NCKAP5: variants seen among roughly 807,000 people sequenced by gnomAD.
The protein encoded by NCKAP5 is nck-associated protein 5.
A neutral mutation model predicts 167.0 loss-of-function variants in NCKAP5; 92 were observed. That is an observed-to-expected ratio of 0.55 (90% CI 0.47 to 0.66). The LOEUF (loss-of-function observed/expected upper bound fraction) is 0.66, where lower values mean the gene tolerates loss of function less well. NCKAP5 is among the 30% of genes least tolerant of loss of function. The probability of loss-of-function intolerance (pLI) is 0.00; values close to 1 mark genes in which losing one functional copy is unlikely to be tolerated. For synonymous variants in NCKAP5, 891 were observed against 877.4 expected (o/e 1.02, Z -0.27); for missense variants, 2,378 against 2,315.0 (o/e 1.03, Z -0.56).
Position 132,921,859 on chromosome 2 carries a change from C to T in NCKAP5, c.579+41861G>A, listed in dbSNP as rs116005120. Among the ~76,000 whole-genome samples the T allele has an allele frequency of 8.6e-3, 1,307 of 152,272 alleles. 5 individuals are homozygous for T. The highest frequency in any genetic ancestry group is 0.029 in the African/African-American group (1,209 of 41,552). The stretch of plus-strand genomic sequence containing the variant: ...GGAATGTAATGCAGGTTTGGCCATT[C>T]GGTGCATTCCAACCCCATGGCCTCA... On this transcript the variant is annotated intron_variant, in intron 8 of 19. Transcript: ENST00000409261.
chr2:133,288,626 A>C (rs1679338038), intron 4 of NCKAP5, among the ~76,000 whole-genome samples: 1 of 151,526 alleles, frequency 6.6e-6, no homozygotes, highest in Admixed American at 6.6e-5. Context: ...CTTAAACATT[A>C]TTCAATAGAA....
At chr2:132,919,171 T>C (rs1695114794) in intron 8 of NCKAP5, among the ~76,000 whole-genome samples, 1 of 152,042 alleles carries the variant, frequency 6.6e-6, no homozygotes, top group African/African-American at 2.4e-5. Flanking sequence ...AATTTACATG[T>C]ATGGGTGGAA....
intron 2 of NCKAP5, among the ~76,000 whole-genome samples, chr2:133,557,489 A>G (rs1347408587): frequency 6.6e-6 from 1 of 152,106 alleles, no homozygotes; most frequent in Non-Finnish European, 1.5e-5. Flanking sequence ...ATATGAACGA[A>G]AGAGAGAGAG....
intron 4 of NCKAP5, among the ~76,000 whole-genome samples, chr2:133,226,719 C>T (rs2086911507): frequency 1.3e-5 from 2 of 151,120 alleles, no homozygotes. Flanking sequence ...AGATAGCCAG[C>T]AAACCACCAG....
At chr2:132,741,620 C>T (rs1217756296) in intron 16 of NCKAP5, among the ~76,000 whole-genome samples, 2 of 152,090 alleles carry the variant, frequency 1.3e-5, no homozygotes, top group Non-Finnish European at 2.9e-5. Context: ...CTTCTGTATC[C>T]ATACATCAAG....
At chr2:133,613,092 C>A in the NCKAP5 span, among the ~76,000 whole-genome samples, 3 of 152,200 alleles carry the variant, frequency 2.0e-5, no homozygotes, top group Non-Finnish European at 4.4e-5. Context: ...TGCTGCCATT[C>A]CAACCCTTAA....
At chr2:133,360,644 G>A (rs745440747) in intron 3 of NCKAP5, among the ~76,000 whole-genome samples, 82 of 152,188 alleles carry the variant, frequency 5.4e-4, no homozygotes, top group African/African-American at 1.6e-3. Flanking sequence ...CCCAGAAGCC[G>A]AGAATAGTCT....
At chr2:133,004,317 T>C (rs186791619) in intron 6 of NCKAP5, among the ~76,000 whole-genome samples, 273 of 152,322 alleles carry the variant, frequency 1.8e-3, no homozygotes, top group African/African-American at 5.8e-3. Flanking sequence ...GTAATAATTA[T>C]AATTATTTAT....
At chr2:132,974,619 A>G (rs997789197) in intron 7 of NCKAP5, among the ~76,000 whole-genome samples, 2 of 152,152 alleles carry the variant, frequency 1.3e-5, no homozygotes, top group African/African-American at 4.8e-5. Flanking sequence ...AGACTCGGTG[A>G]CCTCTTTTGG....
At chr2:132,840,128 C>T (rs1688193847) in intron 11 of NCKAP5, among the ~76,000 whole-genome samples, 1 of 152,096 alleles carries the variant, frequency 6.6e-6, no homozygotes, top group Admixed American at 6.5e-5. Flanking sequence ...TCCAGAATCA[C>T]TAGTTGACAT....
intron 8 of NCKAP5, among the ~76,000 whole-genome samples, chr2:132,946,912 T>A (rs1438003239): frequency 5.3e-5 from 8 of 152,236 alleles, no homozygotes; most frequent in Non-Finnish European, 1.2e-4. Flanking sequence ...TAAAAAAGTT[T>A]GTATATGAAG....
At chr2:132,712,460 G>T (rs1294913526) in intron 19 of NCKAP5, among the ~76,000 whole-genome samples, 2 of 152,084 alleles carry the variant, frequency 1.3e-5, no homozygotes, top group Non-Finnish European at 1.5e-5. Flanking sequence ...GACCATCCTG[G>T]CTAACACAGT....
At chr2:133,417,955 T>G (rs1191436904) in intron 3 of NCKAP5, among the ~76,000 whole-genome samples, 1 of 152,224 alleles carries the variant, frequency 6.6e-6, no homozygotes, top group Non-Finnish European at 1.5e-5. Context: ...ACGCTAAAGT[T>G]AGTGACAGAG....
At chr2:133,171,927 G>A (rs2084265417) in intron 5 of NCKAP5, among the ~76,000 whole-genome samples, 1 of 152,164 alleles carries the variant, frequency 6.6e-6, no homozygotes, top group African/African-American at 2.4e-5. Flanking sequence ...ACTGCTAACA[G>A]AATTCTTCTG....
intron 3 of NCKAP5, among the ~76,000 whole-genome samples, chr2:133,459,859 A>T (rs1394089562): frequency 6.6e-6 from 1 of 152,220 alleles, no homozygotes; most frequent in Non-Finnish European, 1.5e-5. Context: ...TTTTACATGA[A>T]CTATTACTCA....
At chr2:132,942,284 G>T (rs1326568469) in intron 8 of NCKAP5, among the ~76,000 whole-genome samples, 1 of 152,074 alleles carries the variant, frequency 6.6e-6, no homozygotes, top group Admixed American at 6.6e-5. Context: ...ACTTTAGTAT[G>T]CATCAGAATC....
chr2:132,855,044 C>A (rs552004659), intron 11 of NCKAP5, among the ~76,000 whole-genome samples: 219 of 152,210 alleles, frequency 1.4e-3, no homozygotes, highest in African/African-American at 5.1e-3. Context: ...TCACATCTTG[C>A]CATAACCCTG....
Position 132,725,753 on chromosome 2 carries a change from C to A in NCKAP5, c.5587G>T (p.Ala1863Ser). The A allele has an allele frequency of 6.2e-7, 1 of 1,613,038 alleles. No homozygotes were observed. Residue 1863 changes from alanine to serine, a missense_variant, in exon 19 of 20, where the codon GCA (alanine) becomes TCA (serine). Around this residue, in one of 3 missense-constraint regions of NCKAP5, gnomAD observed 1,325 missense variants for 1,274.5 expected, o/e 1.04. Coordinates refer to ENST00000409261, the MANE Select transcript of NCKAP5 (RefSeq NM_207363.3). ...EVAATGTQDK[A>S]PRMCTYSASG... Reference sequence around the variant, plus strand: ...GCAGAGTACGTACACATTCTGGGTGCCTTGTCCTAAATGAGTAATATGAGA... The same window carrying A: ...GCAGAGTACGTACACATTCTGGGTGACTTGTCCTAAATGAGTAATATGAGA...
At chr2:133,028,682 T>C (rs905215759) in intron 6 of NCKAP5, among the ~76,000 whole-genome samples, 1 of 152,208 alleles carries the variant, frequency 6.6e-6, no homozygotes, top group East Asian at 1.9e-4. Context: ...TTTTAATTTC[T>C]TTTTAGATTT....
Sources: gnomAD v4.1 joint callset for allele counts (sites outside exome capture counted in the v4.1 genomes callset) on GRCh38, gnomAD v4.1.1 for gene constraint, gnomAD v4.1.1 regional missense constraint, MANE v1.5 for transcripts, NCBI Gene and HGNC (gene_info 2026-07-23, HGNC 2026-07-21) for gene names.